Variants in DLG2 observed in about 807,000 individuals in gnomAD.
The protein encoded by DLG2 is disks large homolog 2.
Under a neutral mutation model 132.5 loss-of-function variants are expected in DLG2, and 45 were observed. The ratio of observed to expected loss-of-function variants is 0.34; its 90% CI spans 0.27 to 0.44. The LOEUF is 0.44. DLG2 is among the 20% of genes least tolerant of loss of function. DLG2 has a pLI of 1.00. For synonymous variants in DLG2, 424 were observed against 419.6 expected, an observed-to-expected ratio of 1.01 and a Z score of -0.13; for missense variants, 1,045 against 1,196.9, an observed-to-expected ratio of 0.87 and a Z score of 1.87.
intron 11 of DLG2, among the ~76,000 whole-genome samples, chr11:84,053,717 T>C (rs2096446101): frequency 6.6e-6 from 1 of 152,022 alleles, no homozygotes; most frequent in Non-Finnish European, 1.5e-5. Flanking sequence ...TCTAGGCTCA[T>C]GGCTGCTTGA....
chr11:85,409,368 C>A (rs1199317578), intron 3 of DLG2, among the ~76,000 whole-genome samples: 1 of 151,854 alleles, frequency 6.6e-6, no homozygotes, highest in East Asian at 1.9e-4. Flanking sequence ...GCCACTTTGG[C>A]AAGGTGACCT....
At chr11:84,540,021 A>G (rs2099364311) in intron 6 of DLG2, among the ~76,000 whole-genome samples, 1 of 152,200 alleles carries the variant, frequency 6.6e-6, no homozygotes, top group Non-Finnish European at 1.5e-5. Flanking sequence ...CCTTCCTTAC[A>G]TCTTATACCA....
intron 5 of DLG2, among the ~76,000 whole-genome samples, chr11:85,145,599 T>C (rs898619145): frequency 1.3e-5 from 2 of 152,022 alleles, no homozygotes; most frequent in Admixed American, 1.3e-4. Flanking sequence ...CTTGATCAAT[T>C]CTACTCTTCA....
At chr11:83,968,866 G>C (rs1565850196) in intron 12 of DLG2, among the ~76,000 whole-genome samples, 2 of 152,162 alleles carry the variant, frequency 1.3e-5, no homozygotes, top group Non-Finnish European at 2.9e-5. Context: ...ATTGTTTGTG[G>C]AATGAATGGA....
chr11:84,061,953 G>A (rs1164385533), intron 10 of DLG2, among the ~76,000 whole-genome samples: 2 of 151,678 alleles, frequency 1.3e-5, no homozygotes, highest in East Asian at 1.9e-4. Context: ...TTTGAGAGTG[G>A]GTAATTTTGC....
At chr11:83,876,771 G>A (rs1005367485) in intron 15 of DLG2, among the ~76,000 whole-genome samples, 13 of 152,030 alleles carry the variant, frequency 8.6e-5, no homozygotes, top group Admixed American at 4.6e-4. Flanking sequence ...GACTCTCTAC[G>A]TGTCCATATG....
intron 21 of DLG2, among the ~76,000 whole-genome samples, chr11:83,512,552 T>C (rs1317004151): frequency 6.6e-6 from 1 of 152,162 alleles, no homozygotes; most frequent in Non-Finnish European, 1.5e-5. Context: ...TATATTATAC[T>C]TTAAGTTTTA....
chr11:84,395,662 C>T (rs1328922750), intron 7 of DLG2, among the ~76,000 whole-genome samples: 1 of 152,172 alleles, frequency 6.6e-6, no homozygotes, highest in Non-Finnish European at 1.5e-5. Flanking sequence ...GCTTAACTAT[C>T]TTGTTAGTTG....
chr11:85,212,491 G>T (rs1048798296), intron 4 of DLG2, among the ~76,000 whole-genome samples: 4 of 152,128 alleles, frequency 2.6e-5, no homozygotes, highest in Non-Finnish European at 5.9e-5. Context: ...AGGACTGACT[G>T]TGCTGACTTA....
chr11:83,638,093 C>A (rs1050361958), intron 18 of DLG2, among the ~76,000 whole-genome samples: 3 of 152,040 alleles, frequency 2.0e-5, no homozygotes, highest in African/African-American at 7.2e-5. Context: ...CCACTGAAAC[C>A]CAACTCCTAA....
chr11:83,978,982 C>G (rs955464191), intron 12 of DLG2, among the ~76,000 whole-genome samples: 1 of 152,078 alleles, frequency 6.6e-6, no homozygotes, highest in Non-Finnish European at 1.5e-5. Flanking sequence ...GTCAGAAAAC[C>G]TGTCTACATC....
chr11:83,980,407 G>T, intron 12 of DLG2, 99 bp downstream of exon 12: 1 of 1,325,848 alleles, frequency 7.5e-7, no homozygotes, highest in Non-Finnish European at 1.0e-6. Flanking sequence ...CCCACCCTGT[G>T]GTATTTTGTG....
intron 3 of DLG2, among the ~76,000 whole-genome samples, chr11:85,512,501 A>G (rs2094096165): frequency 6.6e-6 from 1 of 152,090 alleles, no homozygotes; most frequent in South Asian, 2.1e-4. Flanking sequence ...CTCTATAAAT[A>G]ATATAACCCT....
intron 11 of DLG2, among the ~76,000 whole-genome samples, chr11:84,000,167 T>C (rs543870637): frequency 3.3e-5 from 5 of 151,962 alleles, no homozygotes; most frequent in African/African-American, 1.2e-4. Flanking sequence ...ATCAAAGAGA[T>C]AGATATCATA....
At chr11:83,846,871 C>A (rs2058701313) in intron 16 of DLG2, among the ~76,000 whole-genome samples, 1 of 142,270 alleles carries the variant, frequency 7.0e-6, no homozygotes, top group East Asian at 2.1e-4. Context: ...AAACAAAGAA[C>A]CAATTTTATG....
chr11:83,694,039 A>T (rs763415668), intron 18 of DLG2, among the ~76,000 whole-genome samples: 2 of 152,210 alleles, frequency 1.3e-5, no homozygotes, highest in Non-Finnish European at 2.9e-5. Flanking sequence ...TAGCTTGTTT[A>T]ATCTTCTTGA....
chr11:83,959,299 C>T (rs564795871), intron 14 of DLG2, among the ~76,000 whole-genome samples: 31 of 152,070 alleles, frequency 2.0e-4, no homozygotes, highest in Admixed American at 1.1e-3. Flanking sequence ...CCATAACAAA[C>T]GTGACTATAA....
At chr11:83,851,902 G>C (rs1352275235) in intron 16 of DLG2, among the ~76,000 whole-genome samples, 3 of 150,036 alleles carry the variant, frequency 2.0e-5, no homozygotes, top group African/African-American at 2.5e-5. Flanking sequence ...CTGGGTGACA[G>C]AGCGAGACTC....
intron 6 of DLG2, among the ~76,000 whole-genome samples, chr11:84,742,093 A>T (rs1025189278): frequency 2.6e-5 from 4 of 152,094 alleles, no homozygotes; most frequent in Non-Finnish European, 5.9e-5. Context: ...ACTTGAAGAT[A>T]GGTCTTTTGA....
Sources: allele counts gnomAD v4.1 joint callset (sites outside exome capture counted in the v4.1 genomes callset), GRCh38; gene constraint gnomAD v4.1.1; transcripts MANE v1.5; gene names NCBI Gene and HGNC (gene_info 2026-07-23, HGNC 2026-07-21).